The following ESCO2 variants were observed in gnomAD, a reference collection of about 807,000 sequenced individuals.
ESCO2 encodes establishment of sister chromatid cohesion N-acetyltransferase 2, also known as N-acetyltransferase ESCO2.
In ESCO2, 51 loss-of-function variants were observed where a neutral mutation model predicts 61.7. The ratio of observed to expected loss-of-function variants is 0.83; its 90% CI spans 0.66 to 1.04. The LOEUF (loss-of-function observed/expected upper bound fraction) is 1.04, where lower values mean the gene tolerates loss of function less well. Ranked by LOEUF, ESCO2 falls within the 50% of genes least tolerant of loss-of-function variation. The pLI is 0.00. For synonymous variants in ESCO2, 230 were observed against 238.2 expected (o/e 0.97, Z 0.32); for missense variants, 692 against 686.2 (o/e 1.01, Z -0.09).
Position 27,804,082 on chromosome 8 carries a change from A to T in ESCO2, c.*644A>T. ...CACTTGATAGGCACTCGTCTGTAGT[A>T]ACTCAGTTTGAATATCTTTAGAAAA... is the stretch of plus-strand genomic sequence containing the variant. On this transcript the variant is annotated 3_prime_UTR_variant, in exon 11 of 11. Transcript: ENST00000305188. The T allele has an allele frequency of 1.0e-6, 1 of 985,418 alleles. No individual in the cohort carries two copies. The highest frequency in any genetic ancestry group is 1.2e-6 in the Non-Finnish European group (1 of 829,952). The allele number at this position is 985,418 out of a possible 1,614,324, so 61.0% of individuals were successfully genotyped here. A position where few individuals can be genotyped will look rare whatever the true frequency, so the allele number is the denominator to read the frequency against.
chr8:27,777,343 T>C, intron 3 of ESCO2, 174 bp downstream of exon 3: 2 of 582,710 alleles, frequency 3.4e-6, no homozygotes, highest in Non-Finnish European at 5.5e-6. Flanking sequence ...TCTTTCTTTA[T>C]GACCCAGGCT....
intron 9 of ESCO2, among the ~76,000 whole-genome samples, chr8:27,795,476 C>T (rs928350065): frequency 2.6e-5 from 4 of 152,180 alleles, no homozygotes; most frequent in African/African-American, 9.7e-5. Flanking sequence ...GATGATTTAA[C>T]TTCTTCCTTT....
chr8:27,802,105 G>A (rs1197378757), intron 10 of ESCO2, among the ~76,000 whole-genome samples: 1 of 147,012 alleles, frequency 6.8e-6, no homozygotes, highest in Non-Finnish European at 1.5e-5. Flanking sequence ...GTGCAAGTCA[G>A]TTATTTTATA....
intron 10 of ESCO2, among the ~76,000 whole-genome samples, chr8:27,799,945 T>C (rs1247414348): frequency 2.0e-5 from 3 of 151,118 alleles, no homozygotes; most frequent in Non-Finnish European, 4.4e-5. Context: ...TCAAACTACC[T>C]GTGCTAAAGG....
intron 9 of ESCO2, among the ~76,000 whole-genome samples, chr8:27,794,248 C>T (rs1415403719): frequency 3.3e-5 from 5 of 152,198 alleles, no homozygotes; most frequent in Non-Finnish European, 4.4e-5. Flanking sequence ...TTTGGATATA[C>T]ACTCAGAAGT....
chr8:27,819,549 T>C, the ESCO2 span, among the ~76,000 whole-genome samples: 1 of 152,100 alleles, frequency 6.6e-6, no homozygotes, highest in South Asian at 2.1e-4. Flanking sequence ...ATTTACAGCA[T>C]TGATGTTAAG....
At position 27,783,418 on chromosome 8, in the gene ESCO2, G is replaced by A. The variant is rs550427508; in HGVS notation, c.956-582G>A. ...AAATATTTTCTCCCCTCAATCTGTG[G>A]CTTACCTTTTCATTCTCTTTATTTT... is the stretch of plus-strand genomic sequence containing the variant. On this transcript the variant is annotated intron_variant, in intron 4 of 10. Coordinates refer to ENST00000305188, the MANE Select transcript of ESCO2 (RefSeq NM_001017420.3). Among the ~76,000 whole-genome samples the A allele has an allele frequency of 3.5e-4, 53 of 151,930 alleles. 1 individual carries two copies. Among genetic ancestry groups the A allele is most frequent in the Middle Eastern group, 3.4e-3 (1 of 292 alleles).
intron 3 of ESCO2, chr8:27,778,134 G>A (rs906053917): frequency 7.2e-5 from 11 of 152,152 alleles, no homozygotes; most frequent in African/African-American, 2.7e-4. Flanking sequence ...TGAAAGCTGA[G>A]CCTTCATTTC....
rs75977974 is a variant in ESCO2, at chr8:27,775,720, G to A, written c.53+153G>A. ...TAACCTATATTCTAATTCTAGCTTG[G>A]AAATACATTAAGTTTTCATAATGAA... is the stretch of plus-strand genomic sequence containing the variant. On this transcript the variant is annotated intron_variant, in intron 2 of 10. Transcript: ENST00000305188. Among the ~76,000 whole-genome samples, 8,457 of 152,252 alleles carry A rather than the reference G, an allele frequency of 0.056. 318 individuals carry two copies. Among genetic ancestry groups the A allele is most frequent in the Non-Finnish European group, 0.086 (5,868 of 68,016 alleles).
At chr8:27,792,626 C>T (rs200721133) in intron 8 of ESCO2, 42 bp from the exon 9 acceptor site, 326 of 1,592,674 alleles carry the variant, frequency 2.0e-4, no homozygotes, top group Non-Finnish European at 6.5e-5. Flanking sequence ...TTCTATTGTA[C>T]TTTTTAAAAC....
intron 3 of ESCO2, chr8:27,779,820 C>T (rs1365514812): frequency 4.4e-6 from 1 of 227,920 alleles, no homozygotes. Flanking sequence ...GCAGGTGCCA[C>T]CACGCCCAGC....
At chr8:27,793,136 T>G (rs895216768) in intron 9 of ESCO2, among the ~76,000 whole-genome samples, 6 of 152,200 alleles carry the variant, frequency 3.9e-5, no homozygotes, top group African/African-American at 7.2e-5. Flanking sequence ...TTTGGCAAAA[T>G]AGTCATTACT....
the ESCO2 span, among the ~76,000 whole-genome samples, chr8:27,819,041 A>C: frequency 6.6e-6 from 1 of 152,020 alleles, no homozygotes; most frequent in Non-Finnish European, 1.5e-5. Context: ...CTATTTCCTG[A>C]CTCTCATGTT....
intron 5 of ESCO2, among the ~76,000 whole-genome samples, chr8:27,787,415 G>GTAAAATGT (rs57571614): frequency 0.43 from 65,518 of 151,348 alleles, 14,304 homozygotes; most frequent in Middle Eastern, 0.53. Context: ...CATTGCCCAG[G>GTAAAATGT]TGCTGGGTCA....
At chr8:27,795,379 C>T (rs1805271957) in intron 9 of ESCO2, among the ~76,000 whole-genome samples, 1 of 152,126 alleles carries the variant, frequency 6.6e-6, no homozygotes, top group African/African-American at 2.4e-5. Flanking sequence ...TTGTATCCTG[C>T]ACCTTTTCTG....
intron 10 of ESCO2, 95 bp downstream of exon 10, chr8:27,799,811 A>T: frequency 7.2e-7 from 1 of 1,392,120 alleles, no homozygotes; most frequent in Non-Finnish European, 1.0e-6. Flanking sequence ...TATTGGTAAG[A>T]TACTTCAGTA....
At chr8:27,781,350 A>G (rs1368388970) in intron 4 of ESCO2, among the ~76,000 whole-genome samples, 1 of 152,102 alleles carries the variant, frequency 6.6e-6, no homozygotes, top group Non-Finnish European at 1.5e-5. Context: ...TTGTTTTTTT[A>G]GCCCACTCTC....
downstream of ESCO2, chr8:27,811,186 C>G: frequency 6.5e-7 from 1 of 1,544,278 alleles, no homozygotes; most frequent in Non-Finnish European, 8.9e-7. Context: ...CACGAAAAGG[C>G]AAGCAACCCA....
downstream of ESCO2, chr8:27,810,192 C>T (rs1805643416): frequency 4.3e-6 from 3 of 702,092 alleles, no homozygotes; most frequent in Admixed American, 5.4e-5. Context: ...TAACAAGAAA[C>T]TATGGTCCTC....
Sources: allele counts gnomAD v4.1 joint callset (sites outside exome capture counted in the v4.1 genomes callset), GRCh38; gene constraint gnomAD v4.1.1; transcripts MANE v1.5; gene names NCBI Gene and HGNC (gene_info 2026-07-23, HGNC 2026-07-21).